PDE10A: variants seen among roughly 807,000 people sequenced by gnomAD.
PDE10A encodes phosphodiesterase 10A.
A neutral mutation model predicts 97.7 loss-of-function variants in PDE10A; 39 were observed. The ratio of observed to expected loss-of-function variants is 0.40; its 90% CI spans 0.31 to 0.52. The LOEUF (loss-of-function observed/expected upper bound fraction) is 0.52. Ranked by LOEUF, PDE10A falls within the 20% of genes least tolerant of loss-of-function variation. PDE10A has a pLI of 0.56. For missense variants in PDE10A, 731 were observed against 1,047.8 expected (o/e 0.70, Z 4.17); for synonymous variants, 371 against 376.8 (o/e 0.98, Z 0.18).
chr6:165,354,827 G>A (rs1315317256), intron 18 of PDE10A, among the ~76,000 whole-genome samples: 1 of 152,086 alleles, frequency 6.6e-6, no homozygotes, highest in African/African-American at 2.4e-5. Context: ...TTTCTACGCT[G>A]GTGGTAAAAG....
intron 1 of PDE10A, among the ~76,000 whole-genome samples, chr6:165,656,818 C>T (rs970215844): frequency 6.6e-6 from 1 of 152,196 alleles, no homozygotes; most frequent in African/African-American, 2.4e-5. Flanking sequence ...GTCTGCAGAG[C>T]GCCCTACAGC....
intron 1 of PDE10A, among the ~76,000 whole-genome samples, chr6:165,726,411 A>T (rs1224930377): frequency 6.6e-6 from 1 of 152,224 alleles, no homozygotes; most frequent in Non-Finnish European, 1.5e-5. Flanking sequence ...TAGCTTTAAA[A>T]TTTTACGTTA....
chr6:165,402,583 G>A (rs1173437958), intron 13 of PDE10A, among the ~76,000 whole-genome samples: 1 of 152,126 alleles, frequency 6.6e-6, no homozygotes, highest in Non-Finnish European at 1.5e-5. Context: ...CACTGTCCAA[G>A]TAGAAGAGAA....
intron 1 of PDE10A, among the ~76,000 whole-genome samples, chr6:165,762,919 G>A (rs1793286138): frequency 6.6e-6 from 1 of 151,560 alleles, no homozygotes; most frequent in East Asian, 1.9e-4. Context: ...ATAGAGAATA[G>A]GAGGAAGAAA....
intron 1 of PDE10A, among the ~76,000 whole-genome samples, chr6:165,584,371 T>TTCCCTTTGATTTGGTACTTTCCC (rs1785787677): frequency 6.6e-6 from 1 of 152,194 alleles, no homozygotes; most frequent in Non-Finnish European, 1.5e-5. Context: ...GGTACTTTTC[T>TTCCCTTTGATTTGGTACTTTCCC]TCCCTTTGAT....
intron 1 of PDE10A, among the ~76,000 whole-genome samples, chr6:165,649,098 G>T: frequency 6.6e-6 from 1 of 152,168 alleles, no homozygotes; most frequent in Non-Finnish European, 1.5e-5. Context: ...CAGAGACTTG[G>T]GTGTGCTCCA....
intron 1 of PDE10A, among the ~76,000 whole-genome samples, chr6:165,710,040 A>G (rs1791854841): frequency 6.6e-6 from 1 of 151,890 alleles, no homozygotes; most frequent in Non-Finnish European, 1.5e-5. Flanking sequence ...CCCTGAACAT[A>G]CCAACTCAGA....
chr6:165,605,310 C>T (rs1170059466), intron 1 of PDE10A, among the ~76,000 whole-genome samples: 1 of 152,198 alleles, frequency 6.6e-6, no homozygotes, highest in African/African-American at 2.4e-5. Context: ...TCAGAATGAG[C>T]CCTTCCACTC....
chr6:165,413,722 A>G (rs376523279), intron 12 of PDE10A, 35 bp from the exon 13 acceptor site: 1 of 1,526,020 alleles, frequency 6.6e-7, no homozygotes, highest in African/African-American at 1.4e-5. Context: ...AACAACAACA[A>G]CAAAAGGGCA....
intron 10 of PDE10A, among the ~76,000 whole-genome samples, chr6:165,422,878 T>A (rs1251835913): frequency 1.3e-5 from 2 of 151,852 alleles, no homozygotes; most frequent in African/African-American, 4.8e-5. Flanking sequence ...TTAAGAAACA[T>A]GAAATATATA....
chr6:165,635,809 G>A (rs766132310), intron 1 of PDE10A, among the ~76,000 whole-genome samples: 3 of 152,068 alleles, frequency 2.0e-5, no homozygotes, highest in African/African-American at 7.2e-5. Context: ...CTTTAATAAC[G>A]ATTAGAGAAA....
At chr6:165,416,557 C>A (rs1788329175) in intron 11 of PDE10A, among the ~76,000 whole-genome samples, 2 of 152,136 alleles carry the variant, frequency 1.3e-5, no homozygotes, top group African/African-American at 4.8e-5. Flanking sequence ...CAATAATAAT[C>A]CCTTCTATTT....
At position 165,948,936 on chromosome 6, in the gene PDE10A, G is replaced by A. The variant is rs148245118; in HGVS notation, c.-615+38593C>T. 1.6e-4 allele frequency: 24 copies of A among 152,386 alleles called. No homozygotes were observed. In the East Asian group the frequency reaches 4.6e-3, roughly 29 times the overall value. The allele number at this position is 152,386 out of a possible 1,614,324, so 9.4% of individuals were successfully genotyped here. The stretch of plus-strand genomic sequence containing the variant: ...AACAAAACGTGACAGCCTCGATTAT[G>A]TGTGGTCCCTGTCCTGACTCCAGGA... On this transcript the variant is annotated intron_variant, in intron 1 of 19. Transcript: ENST00000366882.
At chr6:165,370,503 G>C (rs2128200535) in intron 18 of PDE10A, among the ~76,000 whole-genome samples, 1 of 149,054 alleles carries the variant, frequency 6.7e-6, no homozygotes, top group East Asian at 2.0e-4. Context: ...TAATGGTAAA[G>C]GGATCAATTC....
chr6:165,806,062 A>AG, intron 1 of PDE10A, among the ~76,000 whole-genome samples: 1 of 151,098 alleles, frequency 6.6e-6, no homozygotes, highest in South Asian at 2.1e-4. Context: ...AAAAAAAAAA[A>AG]AAAAAAAAGA....
chr6:165,440,887 A>G (rs1790394418), intron 5 of PDE10A, among the ~76,000 whole-genome samples: 1 of 152,158 alleles, frequency 6.6e-6, no homozygotes, highest in Admixed American at 6.6e-5. Context: ...TTCACAAACA[A>G]CTCTGATAGA....
intron 1 of PDE10A, among the ~76,000 whole-genome samples, chr6:165,736,650 A>C (rs1455534284): frequency 6.6e-6 from 1 of 152,214 alleles, no homozygotes; most frequent in African/African-American, 2.4e-5. Flanking sequence ...GGGACTCAGC[A>C]AGAGCATTCC....
At chr6:165,408,979 C>T (rs929771413) in intron 13 of PDE10A, among the ~76,000 whole-genome samples, 4 of 149,068 alleles carry the variant, frequency 2.7e-5, no homozygotes, top group Admixed American at 2.7e-4. Context: ...CCCTGGCTAA[C>T]ACGGCGAAAC....
intron 1 of PDE10A, among the ~76,000 whole-genome samples, chr6:165,686,053 G>A (rs1791106083): frequency 6.6e-6 from 1 of 151,958 alleles, no homozygotes; most frequent in Non-Finnish European, 1.5e-5. Context: ...CTCACTGGGA[G>A]ATGGGTTGAA....
Sources: allele counts gnomAD v4.1 joint callset (sites outside exome capture counted in the v4.1 genomes callset), GRCh38; gene constraint gnomAD v4.1.1; transcripts MANE v1.5; gene names NCBI Gene and HGNC (gene_info 2026-07-23, HGNC 2026-07-21).